Variants in PLXDC2 observed in about 807,000 individuals in gnomAD.
PLXDC2 encodes plexin domain containing 2.
In PLXDC2, 40 loss-of-function variants were observed where a neutral mutation model predicts 68.9. The observed-to-expected ratio is 0.58, with a 90% CI of 0.45 to 0.76. PLXDC2 has a LOEUF of 0.76. Among genes scored for constraint, PLXDC2 ranks in the 30% least tolerant of loss-of-function variants. PLXDC2 has a pLI of 0.00. For synonymous variants in PLXDC2, 243 were observed against 234.2 expected (o/e 1.04, Z -0.34); for missense variants, 644 against 661.9 (o/e 0.97, Z 0.30).
chr10:20,002,619 T>A (rs143808797), intron 2 of PLXDC2, among the ~76,000 whole-genome samples: 14 of 152,222 alleles, frequency 9.2e-5, no homozygotes, highest in African/African-American at 3.4e-4. Flanking sequence ...ATATGTACAA[T>A]CAAAGTATGC....
chr10:20,139,841 CG>C (rs2131786403), intron 4 of PLXDC2, among the ~76,000 whole-genome samples: 1 of 67,252 alleles, frequency 1.5e-5, no homozygotes, highest in South Asian at 5.1e-4. Flanking sequence ...ACATCACACA[CG>C]GGGGCCGGTC....
chr10:20,270,611 C>T (rs557472355), intron 13 of PLXDC2, among the ~76,000 whole-genome samples: 2 of 151,962 alleles, frequency 1.3e-5, no homozygotes, highest in East Asian at 3.9e-4. Flanking sequence ...ATGGCATGGT[C>T]TTGGCTCACT....
intron 1 of PLXDC2, among the ~76,000 whole-genome samples, chr10:19,944,667 G>A (rs1359615199): frequency 6.6e-6 from 1 of 152,074 alleles, no homozygotes; most frequent in Non-Finnish European, 1.5e-5. Flanking sequence ...AGAAGCATTG[G>A]TGGCCGGGTA....
chr10:19,982,841 A>G (rs1267696456), intron 1 of PLXDC2, among the ~76,000 whole-genome samples: 2 of 152,198 alleles, frequency 1.3e-5, no homozygotes, highest in African/African-American at 4.8e-5. Flanking sequence ...CGTATTACTG[A>G]GGGGACATTG....
At chr10:19,831,167 A>G (rs939953315) in intron 1 of PLXDC2, among the ~76,000 whole-genome samples, 12 of 152,200 alleles carry the variant, frequency 7.9e-5, no homozygotes, top group African/African-American at 2.7e-4. Flanking sequence ...GTCCAGTGGC[A>G]TTCATCAGAT....
At chr10:20,149,229 CTTTTTTTTTTTTT>C (rs71200986) in intron 6 of PLXDC2, among the ~76,000 whole-genome samples, 6 of 34,926 alleles carry the variant, frequency 1.7e-4, no homozygotes, top group Admixed American at 1.1e-3. Flanking sequence ...TTTTTCTTTT[CTTTTTTTTTTTTT>C]TTTTTTTTTT....
chr10:20,128,358 T>C (rs1010639590), intron 4 of PLXDC2, among the ~76,000 whole-genome samples: 3 of 152,206 alleles, frequency 2.0e-5, no homozygotes, highest in Non-Finnish European at 2.9e-5. Context: ...TGACTTTTTT[T>C]CAGCTTCACT....
intron 13 of PLXDC2, among the ~76,000 whole-genome samples, chr10:20,268,208 T>C (rs1385105191): frequency 6.6e-6 from 1 of 152,216 alleles, no homozygotes; most frequent in Non-Finnish European, 1.5e-5. Context: ...TATATTTTTA[T>C]TTCAACCTCT....
At chr10:19,818,787 C>G (rs563968150) in intron 1 of PLXDC2, among the ~76,000 whole-genome samples, 121 of 152,134 alleles carry the variant, frequency 8.0e-4, no homozygotes, top group African/African-American at 2.7e-3. Context: ...AAAATTGCAA[C>G]AGTAATTTTC....
chr10:20,191,878 A>G (rs973781535), intron 9 of PLXDC2, among the ~76,000 whole-genome samples: 1 of 152,070 alleles, frequency 6.6e-6, no homozygotes, highest in African/African-American at 2.4e-5. Context: ...GGGCTGTTTT[A>G]AGGGTAAGCC....
intron 9 of PLXDC2, among the ~76,000 whole-genome samples, chr10:20,199,253 C>T (rs1834885807): frequency 1.3e-5 from 2 of 151,800 alleles, no homozygotes; most frequent in African/African-American, 2.4e-5. Context: ...CATTAGCAAA[C>T]TGAGACAGAG....
intron 9 of PLXDC2, among the ~76,000 whole-genome samples, chr10:20,202,216 A>C (rs1317502732): frequency 6.6e-6 from 1 of 152,162 alleles, no homozygotes; most frequent in South Asian, 2.1e-4. Context: ...CATTGCAACA[A>C]ATATTTAGCT....
chr10:20,085,907 G>A (rs1478298709), intron 4 of PLXDC2, among the ~76,000 whole-genome samples: 1 of 152,144 alleles, frequency 6.6e-6, no homozygotes, highest in African/African-American at 2.4e-5. Flanking sequence ...AGCAATTAGA[G>A]GTTTTAGGCA....
intron 2 of PLXDC2, among the ~76,000 whole-genome samples, chr10:20,044,725 A>T (rs1186403107): frequency 6.6e-6 from 1 of 152,112 alleles, no homozygotes. Flanking sequence ...CAATCAGAAC[A>T]AGGGAAATGA....
intron 4 of PLXDC2, among the ~76,000 whole-genome samples, chr10:20,136,803 T>G (rs1339324337): frequency 6.6e-6 from 1 of 152,206 alleles, no homozygotes; most frequent in Non-Finnish European, 1.5e-5. Context: ...AAATATTAAC[T>G]AAAAGATGAT....
chr10:20,047,128 T>A, intron 3 of PLXDC2, 113 bp downstream of exon 3: 1 of 1,093,634 alleles, frequency 9.1e-7, no homozygotes, highest in Non-Finnish European at 1.3e-6. Flanking sequence ...AGAATGGCCT[T>A]ATCTGTGGTA....
At chr10:20,251,945 T>TAA (rs200330364) in intron 13 of PLXDC2, among the ~76,000 whole-genome samples, 33 of 146,608 alleles carry the variant, frequency 2.3e-4, no homozygotes, top group African/African-American at 5.2e-4. Flanking sequence ...ATTGGAGGGT[T>TAA]AAAAAAAAAA....
chr10:19,842,102 C>T (rs1384866863), intron 1 of PLXDC2, among the ~76,000 whole-genome samples: 1 of 151,930 alleles, frequency 6.6e-6, no homozygotes, highest in Non-Finnish European at 1.5e-5. Flanking sequence ...ATCCCAAAAT[C>T]CTCATCTCTA....
chr10:20,154,557 C>T (rs1205302550), intron 6 of PLXDC2, among the ~76,000 whole-genome samples: 1 of 112,482 alleles, frequency 8.9e-6, no homozygotes, highest in Admixed American at 9.0e-5. Flanking sequence ...GAAGGAGACT[C>T]TGTCTCAAAA....
Sources: gnomAD v4.1 joint callset for allele counts (sites outside exome capture counted in the v4.1 genomes callset) on GRCh38, gnomAD v4.1.1 for gene constraint, MANE v1.5 for transcripts, NCBI Gene and HGNC (gene_info 2026-07-23, HGNC 2026-07-21) for gene names.